ABR: variants seen among roughly 807,000 people sequenced by gnomAD.
ABR encodes the protein active breakpoint cluster region-related protein.
A neutral mutation model predicts 107.2 loss-of-function variants in ABR; 35 were observed. That is an observed-to-expected ratio of 0.33 (90% confidence interval 0.25 to 0.43). ABR has a LOEUF of 0.43. Ranked by LOEUF, ABR falls within the 20% of genes least tolerant of loss-of-function variation. ABR has a pLI of 1.00. For missense variants in ABR, 815 were observed against 1,115.2 expected (o/e 0.73, Z 3.83); for synonymous variants, 498 against 462.0 (o/e 1.08, Z -1.00).
At chr17:1,081,498 T>C (rs1243088180) in intron 5 of ABR, among the ~76,000 whole-genome samples, 1 of 152,190 alleles carries the variant, frequency 6.6e-6, no homozygotes. Context: ...ATCCTCTCTC[T>C]GCACACTGGG....
intron 1 of ABR, among the ~76,000 whole-genome samples, chr17:1,214,048 C>T (rs886511620): frequency 2.0e-4 from 31 of 151,918 alleles, no homozygotes; most frequent in East Asian, 5.9e-4. Context: ...CCACCACGCC[C>T]GGCTAATTTT....
intron 1 of ABR, among the ~76,000 whole-genome samples, chr17:1,161,414 T>A (rs984251069): frequency 2.6e-4 from 23 of 87,042 alleles, no homozygotes; most frequent in African/African-American, 1.2e-3. Flanking sequence ...GCTAATTTTT[T>A]AAAATTTTTT....
chr17:1,160,897 G>A (rs888776969), intron 1 of ABR, among the ~76,000 whole-genome samples: 1 of 152,218 alleles, frequency 6.6e-6, no homozygotes, highest in Non-Finnish European at 1.5e-5. Flanking sequence ...AAGGTGGGAC[G>A]CCCGTGCGGT....
rs141711935 is a variant in ABR at position 1,029,996 on chromosome 17, G to A, written c.1792-16832C>T. On this transcript the variant is annotated intron_variant, in intron 16 of 22. Coordinates refer to ENST00000302538, the MANE Select transcript of ABR (RefSeq NM_021962.5). ...CACACGTTAGGGGATGGAATCGCTC[G>A]TCACACAGAGCAGCCCAGGGCCGGG... 1.9e-3 allele frequency among the ~76,000 whole-genome samples: 287 copies of A among 151,938 alleles called. 4 individuals are homozygous for A. The highest frequency in any genetic ancestry group is 5.7e-3 in the African/African-American group (235 of 41,360).
intron 16 of ABR, among the ~76,000 whole-genome samples, chr17:1,025,564 G>C (rs1355331825): frequency 6.6e-6 from 1 of 152,144 alleles, no homozygotes; most frequent in Non-Finnish European, 1.5e-5. Context: ...GCCCCACACT[G>C]TCCCCCTCTG....
chr17:1,013,740 G>A (rs2070866141), intron 16 of ABR, among the ~76,000 whole-genome samples: 1 of 152,192 alleles, frequency 6.6e-6, no homozygotes, highest in African/African-American at 2.4e-5. Flanking sequence ...TGGGATTGCT[G>A]GGAAGATTCA....
At position 1,130,945 on chromosome 17, in the gene ABR, G is replaced by A. The variant is rs188497573; in HGVS notation, c.62-5578C>T. Among the ~76,000 whole-genome samples the A allele has an allele frequency of 3.6e-4, 55 of 152,216 alleles. 1 individual carries two copies. Among genetic ancestry groups the A allele is most frequent in the African/African-American group, 1.2e-3 (50 of 41,468 alleles). On this transcript the variant is annotated intron_variant, in intron 1 of 22. Coordinates refer to ENST00000302538, the MANE Select transcript of ABR (RefSeq NM_021962.5). ...TTCAGACTTCTGGTCTTCAGACTGC[G>A]AGAGCATCGATTTCTGCTGTTCTAA... is the stretch of plus-strand genomic sequence containing the variant.
At chr17:1,161,120 G>C (rs1197896698) in intron 1 of ABR, among the ~76,000 whole-genome samples, 4 of 150,850 alleles carry the variant, frequency 2.7e-5, no homozygotes, top group Admixed American at 1.3e-4. Context: ...ACCTATCCTG[G>C]GAAGGTTTTG....
chr17:1,005,788 CT>C lies in ABR; in HGVS notation c.*291del. The C allele has an allele frequency of 2.1e-6, 1 of 471,642 alleles. No homozygotes were observed. The highest frequency in any genetic ancestry group is 2.5e-5 in the South Asian group (1 of 40,260). The allele number at this position is 471,642 out of a possible 1,614,324, so 29.2% of individuals were successfully genotyped here. A position where few individuals can be genotyped will look rare whatever the true frequency, so the allele number is the denominator to read the frequency against. On this transcript the variant is annotated 3_prime_UTR_variant, in exon 23 of 23. Transcript: ENST00000302538. Reference sequence around the variant, plus strand: ...GTGCCCACGCCGGGCCGGTCACTACCTTTTCTGCCTGACAAGTGTACATAAA... The same window carrying C: ...GTGCCCACGCCGGGCCGGTCACTACCTTTCTGCCTGACAAGTGTACATAAA...
chr17:1,180,035 G>A (rs1447849338), upstream of ABR, among the ~76,000 whole-genome samples: 1 of 125,168 alleles, frequency 8.0e-6, no homozygotes, highest in Non-Finnish European at 1.7e-5. Context: ...CGGGGCTTTG[G>A]TGCGGGGGCG....
chr17:1,220,302 AAT>A (rs939608784), intron 1 of ABR, among the ~76,000 whole-genome samples: 3 of 146,584 alleles, frequency 2.0e-5, no homozygotes, highest in Non-Finnish European at 4.6e-5. Flanking sequence ...AAAAAAAAAA[AAT>A]TTAAAGTAAT....
At position 1,200,184 on chromosome 17, in the gene ABR, A is replaced by T. The variant is rs1246396136; in HGVS notation, c.838+28609T>A. ...ACCACAAAAATAAAAAATACAAATAATACAGCATAACAACCACATAGCATT... is the reference window on the plus strand; with the variant it reads ...ACCACAAAAATAAAAAATACAAATATTACAGCATAACAACCACATAGCATT... On this transcript the variant is annotated intron_variant, in intron 1 of 22. Transcript: ENST00000574139. The surrounding 1 kb of genome is among the most constrained non-coding windows in gnomAD (Gnocchi z 4.1). Among the ~76,000 whole-genome samples, 1 of 152,134 alleles carries T rather than the reference A, an allele frequency of 6.6e-6. No homozygotes were observed. Among genetic ancestry groups the T allele is most frequent in the Admixed American group, 6.6e-5 (1 of 15,260 alleles).
intron 18 of ABR, 55 bp from the exon 19 acceptor site, chr17:1,012,040 A>C: frequency 6.2e-7 from 1 of 1,605,960 alleles, no homozygotes; most frequent in Non-Finnish European, 8.5e-7. Flanking sequence ...GCTCTCCCGT[A>C]GCAACCCCCA....
chr17:1,038,731 G>A (rs1291733898), intron 16 of ABR, among the ~76,000 whole-genome samples: 1 of 152,214 alleles, frequency 6.6e-6, no homozygotes, highest in Non-Finnish European at 1.5e-5. Context: ...GCTTGAGGGA[G>A]GCCAGCAGAG....
At chr17:1,058,232 C>T (rs568513095) in intron 11 of ABR, among the ~76,000 whole-genome samples, 187 bp from the exon 12 acceptor site, 76 of 151,818 alleles carry the variant, frequency 5.0e-4, no homozygotes, top group African/African-American at 1.4e-3. Context: ...CTCCACCTCC[C>T]GGGTTCACGC....
At chr17:1,123,946 C>G (rs2039470312) in intron 2 of ABR, among the ~76,000 whole-genome samples, 1 of 152,224 alleles carries the variant, frequency 6.6e-6, no homozygotes, top group Non-Finnish European at 1.5e-5. Context: ...AACACACTGA[C>G]CAACCCCCTC....
At chr17:1,030,503 C>T (rs1422443611) in intron 16 of ABR, among the ~76,000 whole-genome samples, 1 of 152,232 alleles carries the variant, frequency 6.6e-6, no homozygotes, top group Non-Finnish European at 1.5e-5. Context: ...TAGCCCAGTC[C>T]CCAGGGAGGC....
intron 16 of ABR, among the ~76,000 whole-genome samples, chr17:1,021,172 C>A (rs2071595038): frequency 6.6e-6 from 1 of 152,178 alleles, no homozygotes; most frequent in South Asian, 2.1e-4. Context: ...GAGGGGGGAG[C>A]AGAGGTCCCA....
At chr17:1,225,839 G>C (rs9330553) in intron 1 of ABR, among the ~76,000 whole-genome samples, 23,207 of 152,016 alleles carry the variant, frequency 0.15, 2,749 homozygotes, top group African/African-American at 0.32. Context: ...TACAGATGAG[G>C]GGACTCAGGC....
Sources: allele counts gnomAD v4.1 joint callset (sites outside exome capture counted in the v4.1 genomes callset), GRCh38; gene constraint gnomAD v4.1.1; non-coding constraint Gnocchi (gnomAD v3.1); transcripts MANE v1.5; gene names NCBI Gene and HGNC (gene_info 2026-07-23, HGNC 2026-07-21).